Variants in CIITA observed in about 807,000 individuals in gnomAD.
CIITA encodes the protein class II major histocompatibility complex transactivator, also known as MHC class II transactivator.
CIITA carries 72 observed loss-of-function variants against 115.1 expected under a neutral mutation model. The observed-to-expected ratio is 0.63, with a 90% CI of 0.52 to 0.76. The LOEUF (loss-of-function observed/expected upper bound fraction) is 0.76. Among genes scored for constraint, CIITA ranks in the 30% least tolerant of loss-of-function variants. The probability of loss-of-function intolerance (pLI) is 0.00; values close to 1 mark genes in which losing one functional copy is unlikely to be tolerated. For missense variants in CIITA, 1,617 were observed against 1,463.8 expected (o/e 1.10, Z -1.71); for synonymous variants, 763 against 635.6 (o/e 1.20, Z -3.02).
chr16:10,868,602 A>C (rs546812974), intron 1 of CIITA, among the ~76,000 whole-genome samples: 60 of 152,282 alleles, frequency 3.9e-4, no homozygotes, highest in African/African-American at 1.4e-3. Flanking sequence ...GCAGACAGCC[A>C]GTGTGGTCTT....
chr16:10,874,138 C>G (rs919815932), upstream of CIITA, among the ~76,000 whole-genome samples: 1 of 152,100 alleles, frequency 6.6e-6, no homozygotes, highest in Admixed American at 6.6e-5. Flanking sequence ...CGTGCACCAC[C>G]ACACCTGGAT....
downstream of CIITA, chr16:10,937,670 G>A (rs1283197524): frequency 6.6e-6 from 1 of 152,240 alleles, no homozygotes; most frequent in Non-Finnish European, 1.5e-5. The surrounding 1 kb of genome is among the most constrained non-coding windows in gnomAD (Gnocchi z 4.2). Flanking sequence ...TAGGAACCGG[G>A]ACGAATAATC....
At chr16:10,899,585 G>C (rs1208950520) in intron 5 of CIITA, among the ~76,000 whole-genome samples, 2 of 152,184 alleles carry the variant, frequency 1.3e-5, no homozygotes, top group Non-Finnish European at 2.9e-5. Context: ...GCTCGTGACT[G>C]TTTCCCCAGC....
chr16:10,931,558 G>A lies in CIITA; in HGVS notation c.*7703G>A, dbSNP rs1385665203. 1 of 152,148 alleles carries A rather than the reference G, an allele frequency of 6.6e-6. No individual in the cohort carries two copies. The highest frequency in any genetic ancestry group is 1.5e-5 in the Non-Finnish European group (1 of 68,024). 9.4% of individuals were successfully genotyped at this position (152,148 alleles called of 1,614,324 possible). On this transcript the variant is annotated 3_prime_UTR_variant, in exon 20 of 20. Transcript: ENST00000324288. Reference sequence around the variant, plus strand: ...AGTTTCCATTTCTGGTAGTAATATAGTTTTTCTTTTCCAAGTCGCTCACAC... The same window carrying A: ...AGTTTCCATTTCTGGTAGTAATATAATTTTTCTTTTCCAAGTCGCTCACAC...
downstream of CIITA, chr16:10,938,559 G>C (rs1156674791): frequency 6.6e-6 from 1 of 152,212 alleles, no homozygotes; most frequent in Non-Finnish European, 1.5e-5. This position sits in a 1 kb window ranked among gnomAD's most constrained non-coding sequence, Gnocchi z 4.9. Flanking sequence ...CCTGCTTATG[G>C]AAAGGGGCCT....
intron 16 of CIITA, 47 bp downstream of exon 16, chr16:10,918,573 C>A: frequency 6.4e-7 from 1 of 1,552,260 alleles, no homozygotes; most frequent in Non-Finnish European, 8.9e-7. Context: ...TGGGGGGCTG[C>A]AGAGCGCAGG....
At chr16:10,905,771 AAG>A (rs905822969) in intron 10 of CIITA, among the ~76,000 whole-genome samples, 1 of 151,932 alleles carries the variant, frequency 6.6e-6, no homozygotes, top group African/African-American at 2.4e-5. Context: ...AAAAAAAAAA[AAG>A]AGAGAAAAGG....
chr16:10,915,515 G>C (rs901144857), intron 13 of CIITA, 55 bp from the exon 14 acceptor site: 1 of 1,418,306 alleles, frequency 7.1e-7, no homozygotes, highest in Admixed American at 1.7e-5. Context: ...CCCTGGGGCT[G>C]AATGAGGGGC....
At chr16:10,919,568 G>T (rs1052435510) in intron 16 of CIITA, among the ~76,000 whole-genome samples, 1 of 151,980 alleles carries the variant, frequency 6.6e-6, no homozygotes, top group African/African-American at 2.4e-5. Context: ...TAGTGCAGGG[G>T]TGCAATGATG....
chr16:10,898,131 T>A (rs8048002), intron 3 of CIITA, among the ~76,000 whole-genome samples: 1 of 152,104 alleles, frequency 6.6e-6, no homozygotes, highest in Non-Finnish European at 1.5e-5. Flanking sequence ...TTTCTCGGAC[T>A]TCATGTCATG....
intron 11 of CIITA, chr16:10,908,772 C>G: frequency 1.6e-6 from 1 of 610,884 alleles, no homozygotes; most frequent in South Asian, 1.9e-5. Context: ...CTGTAAGGTC[C>G]TACATAATTG....
Position 10,908,160 on chromosome 16 carries a change from G to C in CIITA, c.2657+11G>C. On this transcript the variant is annotated intron_variant, in intron 11 of 19. Coordinates refer to ENST00000324288, the MANE Select transcript of CIITA (RefSeq NM_000246.4). ...TGTCACCCGTTTCAGGTGGGGTGAGGGGCTTGGGGAAGAGACATCCTTGTG... is the reference window on the plus strand; with the variant it reads ...TGTCACCCGTTTCAGGTGGGGTGAGCGGCTTGGGGAAGAGACATCCTTGTG... The C allele has an allele frequency of 6.4e-7, 1 of 1,554,902 alleles. No individual in the cohort carries two copies.
chr16:10,895,573 G>A (rs1021226602), intron 2 of CIITA, 96 bp from the exon 3 acceptor site: 3 of 1,564,006 alleles, frequency 1.9e-6, no homozygotes, highest in South Asian at 2.3e-5. Flanking sequence ...TCTGCAGATG[G>A]GGATGATCTC....
intron 1 of CIITA, among the ~76,000 whole-genome samples, chr16:10,894,906 T>G (rs1328716263): frequency 6.6e-6 from 1 of 152,266 alleles, no homozygotes; most frequent in Non-Finnish European, 1.5e-5. Context: ...ACATGGTTAC[T>G]GATATGAGTA....
chr16:10,876,240 C>T (rs2035834424), upstream of CIITA, among the ~76,000 whole-genome samples: 1 of 152,206 alleles, frequency 6.6e-6, no homozygotes, highest in Non-Finnish European at 1.5e-5. Context: ...GCCTCCAACT[C>T]CCGGCTTCAA....
chr16:10,918,829 G>C (rs2040108030), intron 16 of CIITA, among the ~76,000 whole-genome samples: 1 of 152,218 alleles, frequency 6.6e-6, no homozygotes, highest in Non-Finnish European at 1.5e-5. Context: ...GGCGGGACCA[G>C]GCTTTTTCCG....
chr16:10,871,328 C>T (rs973218107), intron 1 of CIITA, among the ~76,000 whole-genome samples: 1 of 152,176 alleles, frequency 6.6e-6, no homozygotes. Context: ...GTGGGGGCAA[C>T]CTCAGCTGGC....
chr16:10,875,167 C>T (rs910417261), upstream of CIITA, among the ~76,000 whole-genome samples: 23 of 152,062 alleles, frequency 1.5e-4, no homozygotes, highest in African/African-American at 5.3e-4. Context: ...CCACGTTGGC[C>T]AGGCTGGTCT....
rs2041101068 is a variant in CIITA, at chr16:10,941,469, GAGAA to G, written n.596_599del. On this transcript the variant is annotated non_coding_transcript_exon_variant, in exon 2 of 2. Coordinates refer to the CIITA transcript ENST00000573379. This position sits in a 1 kb window ranked among gnomAD's most constrained non-coding sequence, Gnocchi z 6.4. ...TTAGACCTGGAGGAGGTGAACGGAG[GAGAA>G]GCCTGAGGGAGGGGTGTGTATCCGG... 2.0e-5 allele frequency: 24 copies of G among 1,205,908 alleles called. No homozygotes were observed. In the South Asian group the frequency reaches 4.4e-4, roughly 22 times the overall value. The allele number at this position is 1,205,908 out of a possible 1,614,324, so 74.7% of individuals were successfully genotyped here.
Sources: allele counts gnomAD v4.1 joint callset (sites outside exome capture counted in the v4.1 genomes callset), GRCh38; gene constraint gnomAD v4.1.1; non-coding constraint Gnocchi (gnomAD v3.1); transcripts MANE v1.5; gene names NCBI Gene and HGNC (gene_info 2026-07-23, HGNC 2026-07-21).